PSD3: variants seen among roughly 807,000 people sequenced by gnomAD.
PSD3 encodes the protein PH and SEC7 domain-containing protein 3.
A neutral mutation model predicts 105.5 loss-of-function variants in PSD3; 49 were observed. The observed-to-expected ratio is 0.46, with a 90% CI of 0.37 to 0.59. The LOEUF (loss-of-function observed/expected upper bound fraction) is 0.59, where lower values mean the gene tolerates loss of function less well. Among genes scored for constraint, PSD3 ranks in the 20% least tolerant of loss-of-function variants. The pLI is 0.00. For synonymous variants in PSD3, 557 were observed against 457.8 expected, an observed-to-expected ratio of 1.22 and a Z score of -2.77; for missense variants, 1,561 against 1,263.8, an observed-to-expected ratio of 1.24 and a Z score of -3.57.
chr8:18,624,685 A>T (rs1179917148), intron 11 of PSD3, among the ~76,000 whole-genome samples: 1 of 48,502 alleles, frequency 2.1e-5, no homozygotes, highest in Non-Finnish European at 4.1e-5. Context: ...TTAAAGTATT[A>T]AAAAAAAAAG....
rs188230746 is a variant in PSD3 at position 18,754,696 on chromosome 8, C to G, written c.2172+10753G>C. On this transcript the variant is annotated intron_variant, in intron 9 of 15. Coordinates refer to ENST00000327040, the MANE Select transcript of PSD3 (RefSeq NM_015310.4). ...GAGGTCAGTTATTAATACATGGACT[C>G]TGTAATTATTCTGGCTGTTGAGAGT... Among the ~76,000 whole-genome samples, 266 of 152,176 alleles carry G rather than the reference C, an allele frequency of 1.7e-3. 1 individual carries two copies. The highest frequency in any genetic ancestry group is 6.2e-3 in the African/African-American group (258 of 41,520).
At chr8:19,051,776 G>T (rs73206428) in intron 1 of PSD3, among the ~76,000 whole-genome samples, 1 of 152,032 alleles carries the variant, frequency 6.6e-6, no homozygotes, top group Admixed American at 6.6e-5. Flanking sequence ...TGTATCCACC[G>T]TACCTAGCAT....
At chr8:18,553,468 T>C (rs1203269672) in intron 15 of PSD3, among the ~76,000 whole-genome samples, 4 of 152,252 alleles carry the variant, frequency 2.6e-5, no homozygotes, top group African/African-American at 9.6e-5. Context: ...TCTGATGTTA[T>C]CTTTTATATA....
At chr8:18,578,244 TA>T (rs1171901795) in intron 12 of PSD3, among the ~76,000 whole-genome samples, 5 of 152,090 alleles carry the variant, frequency 3.3e-5, no homozygotes, top group Non-Finnish European at 5.9e-5. Context: ...AGTCTGAAAC[TA>T]AAAAGTCCCA....
At chr8:19,041,825 C>A (rs986692349) in intron 1 of PSD3, among the ~76,000 whole-genome samples, 1 of 152,102 alleles carries the variant, frequency 6.6e-6, no homozygotes, top group African/African-American at 2.4e-5. Context: ...AAACCAGAAA[C>A]CTTAATTGCT....
chr8:18,689,155 T>C (rs79190171), intron 9 of PSD3, among the ~76,000 whole-genome samples: 3,260 of 152,296 alleles, frequency 0.021, 96 homozygotes, highest in African/African-American at 0.073. Flanking sequence ...TACACTTCTT[T>C]GCTGTGTCTA....
intron 14 of PSD3, among the ~76,000 whole-genome samples, chr8:18,570,846 T>TCA (rs56141812): frequency 2.5e-5 from 3 of 122,220 alleles, no homozygotes; most frequent in South Asian, 3.1e-4. Context: ...CTTAAAACTA[T>TCA]TATTATTATT....
At chr8:18,926,752 A>C (rs955375523) in intron 2 of PSD3, among the ~76,000 whole-genome samples, 12 of 152,182 alleles carry the variant, frequency 7.9e-5, no homozygotes, top group Non-Finnish European at 1.3e-4. Context: ...TGAAGCAAGC[A>C]ATCAGTCCTA....
At chr8:19,078,668 T>G (rs1217657107) in intron 1 of PSD3, among the ~76,000 whole-genome samples, 1 of 151,890 alleles carries the variant, frequency 6.6e-6, no homozygotes, top group Admixed American at 6.6e-5. Context: ...CCTACCTCTG[T>G]GCCCACCATA....
At chr8:18,883,206 G>C (rs1298227193) in intron 2 of PSD3, among the ~76,000 whole-genome samples, 2 of 152,128 alleles carry the variant, frequency 1.3e-5, no homozygotes, top group African/African-American at 4.8e-5. Flanking sequence ...ATATCTACAA[G>C]TCATTCTGAT....
At chr8:18,644,549 T>C (rs1434144859) in intron 10 of PSD3, among the ~76,000 whole-genome samples, 1 of 152,224 alleles carries the variant, frequency 6.6e-6, no homozygotes, top group Non-Finnish European at 1.5e-5. Flanking sequence ...TTACTATGCA[T>C]GTTTCTACTA....
At chr8:18,711,982 C>T (rs1369592388) in intron 9 of PSD3, among the ~76,000 whole-genome samples, 1 of 152,098 alleles carries the variant, frequency 6.6e-6, no homozygotes, top group Admixed American at 6.5e-5. Context: ...CCATATAAAA[C>T]CACACAACTA....
chr8:18,699,690 A>T (rs1325285666), intron 9 of PSD3, among the ~76,000 whole-genome samples: 1 of 152,210 alleles, frequency 6.6e-6, no homozygotes, highest in Non-Finnish European at 1.5e-5. Context: ...AAAAGAATTC[A>T]AATGATATAA....
At chr8:18,965,208 T>C (rs1396782272) in intron 1 of PSD3, among the ~76,000 whole-genome samples, 10 of 152,194 alleles carry the variant, frequency 6.6e-5, no homozygotes, top group African/African-American at 1.9e-4. Context: ...TCTATGACAA[T>C]AACCTCATTC....
chr8:18,906,520 G>T (rs913505004), intron 2 of PSD3, among the ~76,000 whole-genome samples: 4 of 152,130 alleles, frequency 2.6e-5, no homozygotes, highest in African/African-American at 9.7e-5. Flanking sequence ...CTACTTGCTA[G>T]GAAGGCTCTG....
chr8:18,750,609 A>G (rs2129437722), intron 9 of PSD3, among the ~76,000 whole-genome samples: 1 of 152,188 alleles, frequency 6.6e-6, no homozygotes, highest in South Asian at 2.1e-4. Flanking sequence ...TGGCTCCGGC[A>G]GCCTGCTTTT....
At position 18,967,925 on chromosome 8, in the gene PSD3, C is replaced by T. The variant is rs568461056; in HGVS notation, c.22-31783G>A. ...CCCATTCACATATTCCTGGGAGCTG[C>T]GAGGAGAATTGCTTCCAATATCCAA... On this transcript the variant is annotated intron_variant, in intron 1 of 15. Coordinates refer to ENST00000327040, the MANE Select transcript of PSD3 (RefSeq NM_015310.4). Among the ~76,000 whole-genome samples the T allele has an allele frequency of 2.0e-5, 3 of 152,212 alleles. No individual in the cohort carries two copies. The East Asian group carries it at 5.8e-4, about 29-fold the overall frequency.
chr8:18,821,872 CCACACA>C (rs5889830), intron 4 of PSD3, among the ~76,000 whole-genome samples: 51,740 of 137,252 alleles, frequency 0.38, 10,165 homozygotes, highest in Admixed American at 0.47. Context: ...TGCACACACA[CCACACA>C]CACACACACA....
intron 12 of PSD3, among the ~76,000 whole-genome samples, chr8:18,598,740 T>A (rs1382709199): frequency 1.3e-5 from 2 of 152,110 alleles, no homozygotes; most frequent in African/African-American, 2.4e-5. Flanking sequence ...TCCATTTCTA[T>A]ATGCTAACAA....
Sources: allele counts gnomAD v4.1 joint callset (sites outside exome capture counted in the v4.1 genomes callset), GRCh38; gene constraint gnomAD v4.1.1; transcripts MANE v1.5; gene names NCBI Gene and HGNC (gene_info 2026-07-23, HGNC 2026-07-21).